The following C14orf132 variants were observed in gnomAD, a reference collection of about 807,000 sequenced individuals.
The protein encoded by C14orf132 is uncharacterized protein C14orf132.
Under a neutral mutation model 5.8 loss-of-function variants are expected in C14orf132, and 6 were observed. The ratio of observed to expected loss-of-function variants is 1.03; its 90% CI spans 0.57 to 2.04. The LOEUF (loss-of-function observed/expected upper bound fraction) is 2.04. Ranked by LOEUF, C14orf132 falls within the 30% of genes most tolerant of loss-of-function variation. The pLI, the probability that C14orf132 is intolerant of heterozygous loss-of-function variation, is 0.00. For missense variants in C14orf132, 125 were observed against 115.8 expected (o/e 1.08, Z -0.37); for synonymous variants, 51 against 49.8 (o/e 1.02, Z -0.10).
At chr14:96,042,899 T>C (rs1441184120) in intron 1 of C14orf132, among the ~76,000 whole-genome samples, 1 of 152,206 alleles carries the variant, frequency 6.6e-6, no homozygotes, top group East Asian at 1.9e-4. Context: ...GCCATTCATT[T>C]CTCTTAGGCC....
At position 96,087,124 on chromosome 14, in the gene C14orf132, C is replaced by G; in HGVS notation, c.*389C>G. 1 of 243,148 alleles carries G rather than the reference C, an allele frequency of 4.1e-6. No homozygotes were observed. Among genetic ancestry groups the G allele is most frequent in the Non-Finnish European group, 8.1e-6 (1 of 124,114 alleles). The allele number at this position is 243,148 out of a possible 1,614,324, so 15.1% of individuals were successfully genotyped here. On this transcript the variant is annotated 3_prime_UTR_variant, in exon 2 of 2. Coordinates refer to ENST00000555004, the MANE Select transcript of C14orf132 (RefSeq NM_001252507.3). ...GTGTCTTGTTTTTATGCAAACTTAT[C>G]GAACCTAGGGCGTGGGGTGCTGGGG...
At chr14:96,051,109 A>C (rs763908942) in intron 1 of C14orf132, 2 of 398,504 alleles carry the variant, frequency 5.0e-6, no homozygotes, top group African/African-American at 4.1e-5. Flanking sequence ...AGTAACATAC[A>C]TACATACTCT....
At chr14:96,070,841 A>G (rs1040477745) in intron 1 of C14orf132, among the ~76,000 whole-genome samples, 3 of 152,118 alleles carry the variant, frequency 2.0e-5, no homozygotes, top group African/African-American at 7.2e-5. Flanking sequence ...GTGCACCTGC[A>G]TCACCTTAGT....
At chr14:96,041,337 GA>G (rs2074094470) in intron 1 of C14orf132, among the ~76,000 whole-genome samples, 1 of 152,194 alleles carries the variant, frequency 6.6e-6, no homozygotes, top group African/African-American at 2.4e-5. Flanking sequence ...GACACTAAAC[GA>G]GATTAAATAA....
At chr14:96,055,228 G>A (rs138282212) in intron 1 of C14orf132, among the ~76,000 whole-genome samples, 7 of 152,292 alleles carry the variant, frequency 4.6e-5, no homozygotes, top group Non-Finnish European at 8.8e-5. Context: ...GGTGGGTTCC[G>A]CGCATGCCAT....
chr14:96,086,031 G>GA (rs150634274), intron 1 of C14orf132, among the ~76,000 whole-genome samples: 1,918 of 151,874 alleles, frequency 0.013, 39 homozygotes, highest in African/African-American at 0.044. Context: ...AAAAAGATTG[G>GA]AAAGAAAAAC....
rs910393093 is a variant in C14orf132, at chr14:96,039,910, G to A, written c.27+383G>A. On this transcript the variant is annotated intron_variant, in intron 1 of 1. Transcript: ENST00000555004. The surrounding 1 kb of genome is among the most constrained non-coding windows in gnomAD (Gnocchi z 5.3). ...GCTCAGACCCGCGCGAACGTGGATG[G>A]GCACACAGTCTCGCCCTTCCCCACT... Among the ~76,000 whole-genome samples the A allele has an allele frequency of 6.6e-6, 1 of 152,176 alleles. No homozygotes were observed. The highest frequency in any genetic ancestry group is 2.4e-5 in the African/African-American group (1 of 41,450).
At chr14:96,041,263 T>C (rs1886687957) in intron 1 of C14orf132, among the ~76,000 whole-genome samples, 2 of 152,216 alleles carry the variant, frequency 1.3e-5, no homozygotes, top group Admixed American at 6.5e-5. Flanking sequence ...CGCTGGGTGC[T>C]TGGCATATTT....
Position 96,039,386 on chromosome 14 carries a change from G to T in C14orf132, c.-115G>T, listed in dbSNP as rs887231588. On this transcript the variant is annotated 5_prime_UTR_variant, in exon 1 of 2. Coordinates refer to ENST00000555004, the MANE Select transcript of C14orf132 (RefSeq NM_001252507.3). This position sits in a 1 kb window ranked among gnomAD's most constrained non-coding sequence, Gnocchi z 5.3. ...CAGAAGCCCAGAGACAGCCGAGTGC[G>T]CCGTGCGGTCTCCGGACGCTCGCTG... is the stretch of plus-strand genomic sequence containing the variant. 3.8e-6 allele frequency: 4 copies of T among 1,057,658 alleles called. No individual in the cohort carries two copies. The African/African-American group carries it at 6.6e-5, about 18-fold the overall frequency. The allele number at this position is 1,057,658 out of a possible 1,614,324, so 65.5% of individuals were successfully genotyped here. A position where few individuals can be genotyped will look rare whatever the true frequency, so the allele number is the denominator to read the frequency against.
rs536350192 is a variant in C14orf132, at chr14:96,060,956, G to A, written c.27+21429G>A. Among the ~76,000 whole-genome samples, 5 of 152,316 alleles carry A rather than the reference G, an allele frequency of 3.3e-5. No homozygotes were observed. The East Asian group carries it at 9.6e-4, about 29-fold the overall frequency. On this transcript the variant is annotated intron_variant, in intron 1 of 1. Transcript: ENST00000555004. ...CTTTGAATAGGAAGGAAAACAGTAA[G>A]CTCATAATTCTCAAGTTTGAAAAAG... is the stretch of plus-strand genomic sequence containing the variant.
At chr14:96,062,079 T>C (rs916555125) in intron 1 of C14orf132, among the ~76,000 whole-genome samples, 1 of 152,192 alleles carries the variant, frequency 6.6e-6, no homozygotes. Flanking sequence ...ATAAACCCTC[T>C]ATCCAGCTGG....
chr14:96,081,903 A>G (rs1292479246), intron 1 of C14orf132, among the ~76,000 whole-genome samples: 1 of 152,092 alleles, frequency 6.6e-6, no homozygotes, highest in Non-Finnish European at 1.5e-5. Flanking sequence ...CCCGGCCAAC[A>G]AATGTTTTTT....
At chr14:96,050,307 G>A (rs1886991674) in intron 1 of C14orf132, among the ~76,000 whole-genome samples, 1 of 152,170 alleles carries the variant, frequency 6.6e-6, no homozygotes, top group Non-Finnish European at 1.5e-5. Context: ...TTGTTAGGCA[G>A]GATCAAGCCA....
chr14:96,073,783 CA>C (rs1379271108), intron 1 of C14orf132, among the ~76,000 whole-genome samples: 1 of 152,152 alleles, frequency 6.6e-6, no homozygotes, highest in African/African-American at 2.4e-5. Flanking sequence ...GACATGCAAT[CA>C]ACCCAAATGC....
At chr14:96,051,061 TTC>T in intron 1 of C14orf132, 1 of 397,796 alleles carries the variant, frequency 2.5e-6, no homozygotes, top group Non-Finnish European at 4.4e-6. Context: ...CAGCCAGCAT[TTC>T]TCTTTCTCCC....
At chr14:96,080,696 GT>G (rs1888004199) in intron 1 of C14orf132, among the ~76,000 whole-genome samples, 2 of 152,188 alleles carry the variant, frequency 1.3e-5, no homozygotes. Flanking sequence ...CATGGAGACT[GT>G]TGGGAAGGCA....
intron 1 of C14orf132, among the ~76,000 whole-genome samples, chr14:96,083,663 C>G (rs542456230): frequency 6.6e-6 from 1 of 152,160 alleles, no homozygotes; most frequent in African/African-American, 2.4e-5. Flanking sequence ...CTGGGAAAGG[C>G]GAGAAAACAG....
At chr14:96,049,018 G>A (rs1050497835) in intron 1 of C14orf132, among the ~76,000 whole-genome samples, 9 of 152,088 alleles carry the variant, frequency 5.9e-5, no homozygotes, top group Non-Finnish European at 1.0e-4. Context: ...TCCACCTCCT[G>A]GGTTCAAGCA....
At chr14:96,067,962 T>A (rs1188825764) in intron 1 of C14orf132, among the ~76,000 whole-genome samples, 1 of 152,148 alleles carries the variant, frequency 6.6e-6, no homozygotes. Flanking sequence ...ACCCACCTCA[T>A]AGGGTTGCGA....
Sources: allele counts gnomAD v4.1 joint callset (sites outside exome capture counted in the v4.1 genomes callset), GRCh38; gene constraint gnomAD v4.1.1; non-coding constraint Gnocchi (gnomAD v3.1); transcripts MANE v1.5; gene names NCBI Gene and HGNC (gene_info 2026-07-23, HGNC 2026-07-21).